The following STK4 variants were observed in gnomAD, a reference collection of about 807,000 sequenced individuals.
The protein encoded by STK4 is serine/threonine kinase 4.
Under a neutral mutation model 64.9 loss-of-function variants are expected in STK4, and 30 were observed. The ratio of observed to expected loss-of-function variants is 0.46; its 90% CI spans 0.35 to 0.63. The LOEUF (loss-of-function observed/expected upper bound fraction) is 0.63. Ranked by LOEUF, STK4 falls within the 20% of genes least tolerant of loss-of-function variation. The pLI is 0.01. For missense variants in STK4, 466 were observed against 598.5 expected (o/e 0.78, Z 2.31); for synonymous variants, 177 against 199.0 (o/e 0.89, Z 0.93).
At position 44,993,596 on chromosome 20, in the gene STK4, C is replaced by T. The variant is rs574133359; in HGVS notation, c.526-1494C>T. The stretch of plus-strand genomic sequence containing the variant: ...GATTTAAATGACCTGTCATTTGCTT[C>T]TGACTGGCATAGCCTAAATCACAGG... On this transcript the variant is annotated intron_variant, in intron 5 of 10. Coordinates refer to ENST00000372806, the MANE Select transcript of STK4 (RefSeq NM_006282.5). 4.6e-5 allele frequency among the ~76,000 whole-genome samples: 7 copies of T among 152,356 alleles called. No individual in the cohort carries two copies. In the South Asian group the frequency reaches 1.4e-3, roughly 32 times the overall value.
chr20:44,995,843 C>T (rs2067720733), intron 6 of STK4, among the ~76,000 whole-genome samples: 1 of 152,008 alleles, frequency 6.6e-6, no homozygotes, highest in Admixed American at 6.6e-5. Context: ...GTGCTACTCT[C>T]TCTCTCTGTC....
At chr20:45,063,971 C>G (rs1979333701) in intron 10 of STK4, among the ~76,000 whole-genome samples, 1 of 152,054 alleles carries the variant, frequency 6.6e-6, no homozygotes, top group African/African-American at 2.4e-5. Flanking sequence ...CTATGCCCGG[C>G]TAATTTTTTG....
Position 44,972,211 on chromosome 20 carries a change from C to T in STK4, c.116+53C>T, listed in dbSNP as rs1048109870. The T allele has an allele frequency of 1.3e-5, 20 of 1,492,942 alleles. No individual in the cohort carries two copies. The South Asian group carries it at 1.8e-4, about 13-fold the overall frequency. 92.5% of individuals were successfully genotyped at this position (1,492,942 alleles called of 1,614,324 possible). On this transcript the variant is annotated intron_variant, in intron 2 of 10. Coordinates refer to ENST00000372806, the MANE Select transcript of STK4 (RefSeq NM_006282.5). The stretch of plus-strand genomic sequence containing the variant: ...CATTGGGTCCCAGTCTTTTTCCTGC[C>T]CCAGAAGAAGCAGAAGGATATGAAC...
chr20:45,011,102 G>A (rs1049246204), intron 9 of STK4, among the ~76,000 whole-genome samples: 1 of 152,140 alleles, frequency 6.6e-6, no homozygotes, highest in African/African-American at 2.4e-5. Flanking sequence ...GATTTTGGAA[G>A]GCTTCTTCTA....
intron 10 of STK4, among the ~76,000 whole-genome samples, chr20:45,069,436 T>C (rs530901034): frequency 6.6e-6 from 1 of 152,238 alleles, no homozygotes; most frequent in African/African-American, 2.4e-5. Flanking sequence ...GTATTTCTTA[T>C]AACAGAAGTT....
At chr20:44,988,153 A>G (rs1451950313) in intron 5 of STK4, among the ~76,000 whole-genome samples, 1 of 152,078 alleles carries the variant, frequency 6.6e-6, no homozygotes, top group East Asian at 1.9e-4. Flanking sequence ...ACCAGACAAT[A>G]TTACCTAAAC....
rs1207951705 is a variant in STK4, at chr20:45,043,991, C to G, written c.1305+18861C>G. Among the ~76,000 whole-genome samples, 4 of 152,314 alleles carry G rather than the reference C, an allele frequency of 2.6e-5. No homozygotes were observed. In the East Asian group the frequency reaches 5.8e-4, roughly 22 times the overall value. ...CAAAGAATACTTGCTCCCAGAGGGA[C>G]TGATCTAAAACTACTCTAAAACAAA... On this transcript the variant is annotated intron_variant, in intron 10 of 10. Transcript: ENST00000372806.
chr20:45,071,211 A>G (rs1329341778), intron 10 of STK4, among the ~76,000 whole-genome samples: 3 of 152,168 alleles, frequency 2.0e-5, no homozygotes, highest in African/African-American at 7.2e-5. Context: ...TGAATGGGTG[A>G]TATTTCCCAT....
chr20:44,980,841 T>C (rs2067425025), intron 3 of STK4, among the ~76,000 whole-genome samples: 1 of 152,016 alleles, frequency 6.6e-6, no homozygotes, highest in Admixed American at 6.6e-5. Context: ...CTAATTTTTT[T>C]GTATTTTTAG....
At chr20:45,027,195 A>G (rs1288885073) in intron 10 of STK4, among the ~76,000 whole-genome samples, 3 of 152,136 alleles carry the variant, frequency 2.0e-5, no homozygotes. Flanking sequence ...TTGGGAGGCC[A>G]AGGCCGGTCA....
intron 9 of STK4, among the ~76,000 whole-genome samples, chr20:45,003,269 T>G (rs2067873509): frequency 6.6e-6 from 1 of 152,170 alleles, no homozygotes; most frequent in Non-Finnish European, 1.5e-5. Context: ...CCCAAAGTGC[T>G]GGAATTAGAG....
chr20:44,976,818 T>A (rs2067346971), intron 2 of STK4, among the ~76,000 whole-genome samples: 1 of 152,212 alleles, frequency 6.6e-6, no homozygotes, highest in East Asian at 1.9e-4. Context: ...GTTTGACATC[T>A]GGGTAATTCT....
chr20:45,025,933 G>A (rs866807876), intron 10 of STK4, among the ~76,000 whole-genome samples: 5 of 152,080 alleles, frequency 3.3e-5, no homozygotes, highest in Admixed American at 6.6e-5. Flanking sequence ...AGGAAATGAC[G>A]CCATTCTTCC....
intron 10 of STK4, among the ~76,000 whole-genome samples, chr20:45,064,239 T>C (rs1165104881): frequency 6.6e-6 from 1 of 152,238 alleles, no homozygotes; most frequent in Non-Finnish European, 1.5e-5. Context: ...GTTGTAGGTA[T>C]ACAGCCTTAT....
At chr20:45,051,768 G>A (rs1177105125) in intron 10 of STK4, among the ~76,000 whole-genome samples, 1 of 152,164 alleles carries the variant, frequency 6.6e-6, no homozygotes, top group African/African-American at 2.4e-5. Context: ...TTATGTTTAG[G>A]TCAGGCTTGC....
intron 9 of STK4, among the ~76,000 whole-genome samples, chr20:45,019,824 C>G (rs945909491): frequency 2.0e-5 from 3 of 152,192 alleles, no homozygotes; most frequent in Admixed American, 2.0e-4. Context: ...AGCTGAAGCC[C>G]TGGGGGACAG....
intron 1 of STK4, among the ~76,000 whole-genome samples, chr20:44,970,940 T>TA (rs2067234053): frequency 6.6e-6 from 1 of 151,618 alleles, no homozygotes; most frequent in African/African-American, 2.4e-5. Flanking sequence ...TCTTTTGTTG[T>TA]AATAATTGAT....
intron 9 of STK4, among the ~76,000 whole-genome samples, chr20:45,011,732 T>TATATATATATATA (rs1568719787): frequency 1.0e-5 from 1 of 98,688 alleles, no homozygotes; most frequent in African/African-American, 3.9e-5. Flanking sequence ...TATATATATT[T>TATATATATATATA]TTTTTTTTTT....
intron 9 of STK4, among the ~76,000 whole-genome samples, chr20:45,008,127 T>A (rs1450106980): frequency 6.6e-6 from 1 of 152,224 alleles, no homozygotes; most frequent in Non-Finnish European, 1.5e-5. Context: ...CGACCTCGAC[T>A]CACTGCAACC....
Sources: gnomAD v4.1 joint callset for allele counts (sites outside exome capture counted in the v4.1 genomes callset) on GRCh38, gnomAD v4.1.1 for gene constraint, MANE v1.5 for transcripts, NCBI Gene and HGNC (gene_info 2026-07-23, HGNC 2026-07-21) for gene names.